Variants in TGFB2 observed in about 807,000 individuals in gnomAD.
The protein encoded by TGFB2 is transforming growth factor beta 2, also known as transforming growth factor beta-2 proprotein.
In TGFB2, 13 loss-of-function variants were observed where a neutral mutation model predicts 42.7. That is an observed-to-expected ratio of 0.30 (90% CI 0.20 to 0.48). The LOEUF (loss-of-function observed/expected upper bound fraction) is 0.48, where lower values mean the gene tolerates loss of function less well. Ranked by LOEUF, TGFB2 falls within the 20% of genes least tolerant of loss-of-function variation. The pLI is 0.99. For synonymous variants in TGFB2, 193 were observed against 193.6 expected, an observed-to-expected ratio of 1.00 and a Z score of 0.03; for missense variants, 390 against 517.5, an observed-to-expected ratio of 0.75 and a Z score of 2.39.
At chr1:218,417,329 G>C (rs1659315351) in intron 2 of TGFB2, among the ~76,000 whole-genome samples, 1 of 152,224 alleles carries the variant, frequency 6.6e-6, no homozygotes, top group South Asian at 2.1e-4. Context: ...TTTTAGCAGA[G>C]ACAGATGGCA....
chr1:218,384,598 A>G (rs1301396894), intron 1 of TGFB2, among the ~76,000 whole-genome samples: 1 of 152,236 alleles, frequency 6.6e-6, no homozygotes, highest in East Asian at 1.9e-4. Flanking sequence ...TGTGAGGCTT[A>G]AACGAGATAA....
At chr1:218,385,204 G>T (rs1451644060) in intron 1 of TGFB2, among the ~76,000 whole-genome samples, 2 of 152,146 alleles carry the variant, frequency 1.3e-5, no homozygotes, top group South Asian at 2.1e-4. Flanking sequence ...GTTTAGAAGG[G>T]TAGAGTAGAA....
intron 2 of TGFB2, among the ~76,000 whole-genome samples, chr1:218,428,104 A>G (rs1266327479): frequency 6.6e-6 from 1 of 152,112 alleles, no homozygotes; most frequent in East Asian, 1.9e-4. Flanking sequence ...GCATTTTTTC[A>G]TGTATCTGTT....
At chr1:218,350,591 C>T (rs1656839454) in intron 1 of TGFB2, among the ~76,000 whole-genome samples, 2 of 152,140 alleles carry the variant, frequency 1.3e-5, no homozygotes, top group Admixed American at 1.3e-4. Flanking sequence ...TCTTTATGAT[C>T]AAAGCATATT....
intron 2 of TGFB2, among the ~76,000 whole-genome samples, chr1:218,426,295 GT>G (rs760792126): frequency 2.4e-4 from 37 of 152,176 alleles, no homozygotes; most frequent in Non-Finnish European, 4.7e-4. Context: ...TCTAACCCAA[GT>G]CCTGAGTTGT....
At chr1:218,367,941 TACAGCCGC>T (rs776231882) in intron 1 of TGFB2, among the ~76,000 whole-genome samples, 47 of 152,198 alleles carry the variant, frequency 3.1e-4, no homozygotes, top group Non-Finnish European at 5.3e-4. Context: ...TAGCTGGGAC[TACAGCCGC>T]ACGCCGCCAC....
At chr1:218,434,627 G>A (rs1209101070) in intron 4 of TGFB2, among the ~76,000 whole-genome samples, 179 bp downstream of exon 4, 3 of 152,186 alleles carry the variant, frequency 2.0e-5, no homozygotes, top group Admixed American at 2.0e-4. Flanking sequence ...TGGAAGAACG[G>A]AATAGGTTCC....
In TGFB2 at chr1:218,363,283, A is replaced by G. The variant is rs1394084280; in HGVS notation, c.346+16236A>G. On this transcript the variant is annotated intron_variant, in intron 1 of 6. Transcript: ENST00000366930. ...TTGAATCTTTGTATAGTTCTGTGCC[A>G]GGCATCTCTTCAGTAAAATAGCTAA... 2.8e-6 allele frequency: 4 copies of G among 1,430,694 alleles called. No homozygotes were observed. In the African/African-American group the frequency reaches 5.6e-5, roughly 20 times the overall value. 88.6% of individuals were successfully genotyped at this position (1,430,694 alleles called of 1,614,324 possible).
chr1:218,380,712 A>C (rs1164305037), intron 1 of TGFB2, among the ~76,000 whole-genome samples: 1 of 152,102 alleles, frequency 6.6e-6, no homozygotes, highest in African/African-American at 2.4e-5. Context: ...AGAGATGAAT[A>C]GAGTGGGGGT....
intron 1 of TGFB2, among the ~76,000 whole-genome samples, chr1:218,387,600 A>G (rs1297913357): frequency 1.3e-5 from 2 of 150,932 alleles, no homozygotes; most frequent in Non-Finnish European, 2.9e-5. Context: ...GAGGCCTGGG[A>G]AGTTGATGAT....
chr1:218,425,092 T>C (rs1263902312), intron 2 of TGFB2, among the ~76,000 whole-genome samples: 1 of 152,242 alleles, frequency 6.6e-6, no homozygotes, highest in Admixed American at 6.5e-5. Flanking sequence ...AAAACAATAT[T>C]GGAAAGCCTT....
chr1:218,401,385 G>C (rs1011638293), intron 1 of TGFB2, among the ~76,000 whole-genome samples: 1 of 152,074 alleles, frequency 6.6e-6, no homozygotes, highest in African/African-American at 2.4e-5. Context: ...TGTGGCCAAG[G>C]TTGAGGTGAG....
intron 1 of TGFB2, among the ~76,000 whole-genome samples, chr1:218,381,665 C>G (rs1230514242): frequency 6.6e-6 from 1 of 152,154 alleles, no homozygotes; most frequent in African/African-American, 2.4e-5. Context: ...GCACCAGTGA[C>G]AAGATCACAA....
chr1:218,349,725 G>A (rs900392398), intron 1 of TGFB2, among the ~76,000 whole-genome samples: 2 of 152,200 alleles, frequency 1.3e-5, no homozygotes, highest in African/African-American at 4.8e-5. Context: ...GCAATGTGGA[G>A]ATTTAAAAGT....
intron 2 of TGFB2, among the ~76,000 whole-genome samples, chr1:218,421,082 C>A (rs1343349055): frequency 6.6e-6 from 1 of 151,976 alleles, no homozygotes; most frequent in Non-Finnish European, 1.5e-5. Context: ...CCAAAGTGAC[C>A]CAGCATAATC....
At chr1:218,390,811 A>G (rs1658295551) in intron 1 of TGFB2, among the ~76,000 whole-genome samples, 1 of 152,172 alleles carries the variant, frequency 6.6e-6, no homozygotes, top group African/African-American at 2.4e-5. Flanking sequence ...CTGGATTCCT[A>G]TAATTCCTGT....
At chr1:218,374,846 G>T (rs1178275723) in intron 1 of TGFB2, among the ~76,000 whole-genome samples, 1 of 152,150 alleles carries the variant, frequency 6.6e-6, no homozygotes, top group African/African-American at 2.4e-5. Flanking sequence ...GTTATAAAGG[G>T]ACATTTAGGC....
chr1:218,363,944 T>C (rs548619454), intron 1 of TGFB2, among the ~76,000 whole-genome samples: 150 of 152,326 alleles, frequency 9.8e-4, no homozygotes, highest in Non-Finnish European at 1.5e-3. Flanking sequence ...TGGCCTTGAA[T>C]GCGGCCCAAT....
At chr1:218,401,187 C>T (rs1381264654) in intron 1 of TGFB2, among the ~76,000 whole-genome samples, 1 of 152,168 alleles carries the variant, frequency 6.6e-6, no homozygotes, top group Non-Finnish European at 1.5e-5. Flanking sequence ...AAAATACTTA[C>T]ATACAATACG....
Sources: allele counts gnomAD v4.1 joint callset (sites outside exome capture counted in the v4.1 genomes callset), GRCh38; gene constraint gnomAD v4.1.1; transcripts MANE v1.5; gene names NCBI Gene and HGNC (gene_info 2026-07-23, HGNC 2026-07-21).